Variants in KCNQ1 observed in about 807,000 individuals in gnomAD.
KCNQ1 encodes the protein potassium voltage-gated channel subfamily KQT member 1.
KCNQ1 carries 49 observed loss-of-function variants against 72.4 expected under a neutral mutation model. That is an observed-to-expected ratio of 0.68 (90% CI 0.54 to 0.86). The LOEUF (loss-of-function observed/expected upper bound fraction) is 0.86. Ranked by LOEUF, KCNQ1 falls within the 40% of genes least tolerant of loss-of-function variation. The pLI, the probability that KCNQ1 is intolerant of heterozygous loss-of-function variation, is 0.00. For missense variants in KCNQ1, 790 were observed against 945.1 expected, an observed-to-expected ratio of 0.84 and a Z score of 2.15; for synonymous variants, 450 against 412.6, an observed-to-expected ratio of 1.09 and a Z score of -1.10.
At chr11:2,739,455 C>A (rs1280759937) in intron 11 of KCNQ1, among the ~76,000 whole-genome samples, 3 of 152,232 alleles carry the variant, frequency 2.0e-5, no homozygotes, top group African/African-American at 2.4e-5. Context: ...CCCCCACCCC[C>A]AAAGGTGGAT....
chr11:2,489,991 G>A (rs1675901821), intron 1 of KCNQ1, among the ~76,000 whole-genome samples: 1 of 152,168 alleles, frequency 6.6e-6, no homozygotes, highest in African/African-American at 2.4e-5. Flanking sequence ...CCAGGCCTTG[G>A]CTCTTGGACA....
In KCNQ1 at chr11:2,547,022, A is replaced by G. The variant is rs1456546263; in HGVS notation, c.477+19004A>G. ...AACTTGTTTTTCATATGAAGCATATAGTTGAGTCTTATTTTGTGAGTCAAA... is the reference window on the plus strand; with the variant it reads ...AACTTGTTTTTCATATGAAGCATATGGTTGAGTCTTATTTTGTGAGTCAAA... On this transcript the variant is annotated intron_variant, in intron 2 of 15. Coordinates refer to ENST00000155840, the MANE Select transcript of KCNQ1 (RefSeq NM_000218.3). This position sits in a 1 kb window ranked among gnomAD's most constrained non-coding sequence, Gnocchi z 4.2. Among the ~76,000 whole-genome samples the G allele has an allele frequency of 2.6e-5, 4 of 152,232 alleles. 1 individual carries two copies. The highest frequency in any genetic ancestry group is 2.6e-4 in the Admixed American group (4 of 15,284).
rs1047278541 is a variant in KCNQ1 at position 2,690,398 on chromosome 11, A to C, written c.1514+28317A>C. Reference sequence around the variant, plus strand: ...GAACATGTGCCAGACCAAAAGAGCTATCTCTCTCCCTGCGAAAGGCTGGGG... The same window carrying C: ...GAACATGTGCCAGACCAAAAGAGCTCTCTCTCTCCCTGCGAAAGGCTGGGG... On this transcript the variant is annotated intron_variant, in intron 11 of 15. Transcript: ENST00000155840. This position sits in a 1 kb window ranked among gnomAD's most constrained non-coding sequence, Gnocchi z 5.1. 1.5e-5 allele frequency: 6 copies of C among 398,590 alleles called. No individual in the cohort carries two copies. The highest frequency in any genetic ancestry group is 1.0e-4 in the African/African-American group (5 of 48,642). 24.7% of individuals were successfully genotyped at this position (398,590 alleles called of 1,614,324 possible). A position where few individuals can be genotyped will look rare whatever the true frequency, so the allele number is the denominator to read the frequency against.
intron 12 of KCNQ1, among the ~76,000 whole-genome samples, chr11:2,770,368 G>A (rs902051882): frequency 5.3e-5 from 8 of 152,212 alleles, no homozygotes; most frequent in South Asian, 2.1e-4. Context: ...TGCCTCACCC[G>A]GGCCTTGCCC....
At chr11:2,665,228 T>C (rs969750061) in intron 11 of KCNQ1, 3 of 398,466 alleles carry the variant, frequency 7.5e-6, no homozygotes, top group African/African-American at 6.2e-5. Context: ...CTAGGTTGAA[T>C]GGGGCACAAG....
chr11:2,596,994 G>C (rs920063971), intron 10 of KCNQ1, among the ~76,000 whole-genome samples: 8 of 152,022 alleles, frequency 5.3e-5, no homozygotes, highest in African/African-American at 1.9e-4. Context: ...TAATTTAATT[G>C]CTATATAAAA....
rs1848693400 is a variant in KCNQ1 at position 2,593,281 on chromosome 11, C to T, written c.1393+4427C>T. ...AGGCCAGAGGAGACTTCCCCAAATTCACTGGTCCTGGAGGCCGCCTCAGAG... is the reference window on the plus strand; with the variant it reads ...AGGCCAGAGGAGACTTCCCCAAATTTACTGGTCCTGGAGGCCGCCTCAGAG... On this transcript the variant is annotated intron_variant, in intron 10 of 15. Transcript: ENST00000155840. The surrounding 1 kb of genome is among the most constrained non-coding windows in gnomAD (Gnocchi z 6.9). Among the ~76,000 whole-genome samples the T allele has an allele frequency of 6.6e-6, 1 of 152,162 alleles. No homozygotes were observed. The highest frequency in any genetic ancestry group is 2.4e-5 in the African/African-American group (1 of 41,440).
At chr11:2,775,811 G>T (rs1229825414) in intron 12 of KCNQ1, 149 bp from the exon 13 acceptor site, 3 of 780,818 alleles carry the variant, frequency 3.8e-6, no homozygotes, top group African/African-American at 1.7e-5. Flanking sequence ...TACTGTGCAC[G>T]CTTGGAACCA....
chr11:2,574,192 C>T (rs548332312), intron 6 of KCNQ1, among the ~76,000 whole-genome samples: 112 of 152,320 alleles, frequency 7.4e-4, no homozygotes, highest in African/African-American at 2.6e-3. Flanking sequence ...GGGCCGTCCA[C>T]AGGCCACTAA....
chr11:2,640,960 C>T, intron 10 of KCNQ1: 1 of 398,712 alleles, frequency 2.5e-6, no homozygotes, highest in Non-Finnish European at 4.4e-6. Flanking sequence ...AAATAATGAC[C>T]TCCAGCTCCA....
chr11:2,578,272 G>A (rs1848450892), intron 6 of KCNQ1, among the ~76,000 whole-genome samples: 2 of 152,202 alleles, frequency 1.3e-5, no homozygotes, highest in Non-Finnish European at 2.9e-5. Context: ...CAGACGGACA[G>A]GGTGAGAACT....
At chr11:2,718,403 T>C (rs1303362855) in intron 11 of KCNQ1, among the ~76,000 whole-genome samples, 1 of 152,166 alleles carries the variant, frequency 6.6e-6, no homozygotes, top group African/African-American at 2.4e-5. Context: ...AAGCCGGAAC[T>C]TGATCCCCGC....
Position 2,468,696 on chromosome 11 carries a change from G to C in KCNQ1, c.386+23212G>C, listed in dbSNP as rs1241260997. ...TGGCAGCCAACGCTGGTTTCGTCTG[G>C]CTTCTTTTATTCAGCGTCATGATTT... On this transcript the variant is annotated intron_variant, in intron 1 of 15. Coordinates refer to ENST00000155840, the MANE Select transcript of KCNQ1 (RefSeq NM_000218.3). This position sits in a 1 kb window ranked among gnomAD's most constrained non-coding sequence, Gnocchi z 5.7. 6.6e-6 allele frequency among the ~76,000 whole-genome samples: 1 copy of C among 152,180 alleles called. No individual in the cohort carries two copies. Among genetic ancestry groups the C allele is most frequent in the African/African-American group, 2.4e-5 (1 of 41,438 alleles).
At position 2,682,861 on chromosome 11, in the gene KCNQ1, G is replaced by T; in HGVS notation, c.1514+20780G>T. 1 of 398,618 alleles carries T rather than the reference G, an allele frequency of 2.5e-6. No homozygotes were observed. Among genetic ancestry groups the T allele is most frequent in the South Asian group, 1.3e-4 (1 of 7,858 alleles). The allele number at this position is 398,618 out of a possible 1,614,324, so 24.7% of individuals were successfully genotyped here. The stretch of plus-strand genomic sequence containing the variant: ...GAGACCATCTCAGTTTTGTAGACCA[G>T]GAAACTGAGGCTTGGGGATAGCAGA... On this transcript the variant is annotated intron_variant, in intron 11 of 15. Transcript: ENST00000155840. The surrounding 1 kb of genome is among the most constrained non-coding windows in gnomAD (Gnocchi z 5.8).
chr11:2,528,002 G>T lies in KCNQ1; in HGVS notation c.461G>T (p.Gly154Val). The change falls in exon 2 of 16, where the codon GGG becomes GTG. Residue 154 changes from glycine (G) to valine (V), a missense_variant. By Grantham distance (109) the Gly-to-Val change is moderately radical (BLOSUM62 -3). This residue lies in a region of KCNQ1 where 294 missense variants were observed against 323.3 expected (regional missense o/e 0.91). Transcript: ENST00000155840. The part of the protein sequence containing the change: ...TIEQYAALAT[G>V]TLFWMEIVLV... ...GAGCAGTATGCCGCCCTGGCCACGG[G>T]GACTCTCTTCTGGATGGTACGTAGC... The T allele has an allele frequency of 1.9e-6, 3 of 1,613,620 alleles. No homozygotes were observed. The highest frequency in any genetic ancestry group is 2.5e-6 in the Non-Finnish European group (3 of 1,179,720).
chr11:2,813,887 G>A lies in KCNQ1; in HGVS notation c.1795-33880G>A, dbSNP rs1240072414. Among the ~76,000 whole-genome samples the A allele has an allele frequency of 1.3e-5, 2 of 152,102 alleles. No individual in the cohort carries two copies. Among genetic ancestry groups the A allele is most frequent in the Non-Finnish European group, 2.9e-5 (2 of 68,024 alleles). ...GGGAGGGAGGGTTGCAGAAAGGGAT[G>A]CGTGGAAGGATGGTTGATGGATGGA... On this transcript the variant is annotated intron_variant, in intron 15 of 15. Transcript: ENST00000155840. This position sits in a 1 kb window ranked among gnomAD's most constrained non-coding sequence, Gnocchi z 4.4.
At position 2,782,808 on chromosome 11, in the gene KCNQ1, T is replaced by C. The variant is rs1846846269; in HGVS notation, c.1794+4771T>C. Among the ~76,000 whole-genome samples the C allele has an allele frequency of 6.6e-6, 1 of 152,224 alleles. No individual in the cohort carries two copies. On this transcript the variant is annotated intron_variant, in intron 15 of 15. Coordinates refer to ENST00000155840, the MANE Select transcript of KCNQ1 (RefSeq NM_000218.3). This position sits in a 1 kb window ranked among gnomAD's most constrained non-coding sequence, Gnocchi z 6.1. ...CAATATTATTTATTTGTGCCTTCACTGTTTTCCCCCTTAGTGGTCAAACTT... is the reference window on the plus strand; with the variant it reads ...CAATATTATTTATTTGTGCCTTCACCGTTTTCCCCCTTAGTGGTCAAACTT...
intron 12 of KCNQ1, among the ~76,000 whole-genome samples, chr11:2,771,815 G>A (rs1210448269): frequency 6.6e-6 from 1 of 152,200 alleles, no homozygotes; most frequent in Non-Finnish European, 1.5e-5. Context: ...GCTGGTCCCT[G>A]GGGAGGAACA....
rs769759031 is a variant in KCNQ1, at chr11:2,475,991, C to T, written c.386+30507C>T. On this transcript the variant is annotated intron_variant, in intron 1 of 15. Transcript: ENST00000155840. The surrounding 1 kb of genome is among the most constrained non-coding windows in gnomAD (Gnocchi z 5.8). ...TATGTCTTTATCAGCAGTGTGAAAA[C>T]GGACTAATACTGACAATAAATTAAA... Among the ~76,000 whole-genome samples the T allele has an allele frequency of 9.9e-5, 15 of 152,012 alleles. No individual in the cohort carries two copies. Among genetic ancestry groups the T allele is most frequent in the East Asian group, 3.9e-4 (2 of 5,188 alleles).
Sources: allele counts gnomAD v4.1 joint callset (sites outside exome capture counted in the v4.1 genomes callset), GRCh38; gene constraint gnomAD v4.1.1; regional missense constraint gnomAD v4.1.1; non-coding constraint Gnocchi (gnomAD v3.1); transcripts MANE v1.5; gene names NCBI Gene and HGNC (gene_info 2026-07-23, HGNC 2026-07-21).